SNTG1: variants seen among roughly 807,000 people sequenced by gnomAD.
The protein encoded by SNTG1 is gamma-1-syntrophin.
SNTG1 carries 39 observed loss-of-function variants against 74.7 expected under a neutral mutation model. The observed-to-expected ratio is 0.52, with a 90% confidence interval of 0.40 to 0.68. The LOEUF (loss-of-function observed/expected upper bound fraction) is 0.68, where lower values mean the gene tolerates loss of function less well. SNTG1 is among the 30% of genes least tolerant of loss of function. SNTG1 has a pLI of 0.00. For synonymous variants in SNTG1, 254 were observed against 217.1 expected (o/e 1.17, Z -1.49); for missense variants, 685 against 609.5 (o/e 1.12, Z -1.30).
intron 1 of SNTG1, among the ~76,000 whole-genome samples, chr8:50,098,235 C>A (rs997475886): frequency 6.6e-6 from 1 of 152,104 alleles, no homozygotes; most frequent in Non-Finnish European, 1.5e-5. Context: ...AAGAAAAGAC[C>A]ATATGCCAAC....
At chr8:50,324,563 C>T (rs1345873378) in intron 2 of SNTG1, among the ~76,000 whole-genome samples, 1 of 152,162 alleles carries the variant, frequency 6.6e-6, no homozygotes, top group Non-Finnish European at 1.5e-5. Context: ...ATTCTGCCCT[C>T]TTGCTCTGCC....
intron 17 of SNTG1, among the ~76,000 whole-genome samples, chr8:50,731,446 T>A (rs1585659687): frequency 6.6e-6 from 1 of 152,128 alleles, no homozygotes; most frequent in East Asian, 1.9e-4. Context: ...TTTATACAGA[T>A]CTCATTACTA....
chr8:50,058,608 C>T (rs567493805), intron 1 of SNTG1, among the ~76,000 whole-genome samples: 2 of 152,182 alleles, frequency 1.3e-5, no homozygotes, highest in South Asian at 2.1e-4. Context: ...TGCGATGATC[C>T]TGAGTACACT....
intron 1 of SNTG1, among the ~76,000 whole-genome samples, chr8:50,088,628 C>T (rs1209893589): frequency 8.1e-6 from 1 of 122,904 alleles, no homozygotes; most frequent in African/African-American, 2.5e-5. Flanking sequence ...AACAGAGAGC[C>T]AAATCATGAG....
chr8:50,176,087 A>C (rs1317571575), intron 2 of SNTG1, among the ~76,000 whole-genome samples: 2 of 152,108 alleles, frequency 1.3e-5, no homozygotes, highest in Non-Finnish European at 2.9e-5. Context: ...AAACAAGAGT[A>C]TTATAATAAA....
intron 12 of SNTG1, among the ~76,000 whole-genome samples, chr8:50,568,227 T>TTGTTTGTGTGTGTGTGTG (rs140888701): frequency 0.03 from 4,382 of 146,292 alleles, 101 homozygotes; most frequent in East Asian, 0.086. Context: ...TTGTCCATGT[T>TTGTTTGTGTGTGTGTGTG]TGTGTGTGTG....
At chr8:50,553,242 T>G (rs1248764651) in intron 12 of SNTG1, 63 bp downstream of exon 12, 1 of 1,586,084 alleles carries the variant, frequency 6.3e-7, no homozygotes, top group Non-Finnish European at 8.6e-7. Context: ...TCCTTCAGTA[T>G]ATATGTAACT....
chr8:50,294,662 T>G (rs1386461302), intron 2 of SNTG1, among the ~76,000 whole-genome samples: 1 of 152,190 alleles, frequency 6.6e-6, no homozygotes, highest in Non-Finnish European at 1.5e-5. Flanking sequence ...ATGGCAAATC[T>G]GCTTTCCCCA....
intron 18 of SNTG1, among the ~76,000 whole-genome samples, chr8:50,789,327 G>T (rs925719680): frequency 2.6e-5 from 4 of 151,832 alleles, no homozygotes; most frequent in Non-Finnish European, 4.4e-5. Context: ...TTCTTTGCTG[G>T]TTCTACCCCA....
intron 2 of SNTG1, among the ~76,000 whole-genome samples, chr8:50,333,565 A>G (rs1002034112): frequency 6.6e-6 from 1 of 152,178 alleles, no homozygotes; most frequent in African/African-American, 2.4e-5. Flanking sequence ...ATTTCTTATT[A>G]TGCTGGAAAC....
At position 50,331,812 on chromosome 8, in the gene SNTG1, G is replaced by A. The variant is rs115483311; in HGVS notation, c.-27-62400G>A. 4.1e-3 allele frequency among the ~76,000 whole-genome samples: 622 copies of A among 152,248 alleles called. 7 individuals carry two copies. The highest frequency in any genetic ancestry group is 0.014 in the African/African-American group (563 of 41,556). On this transcript the variant is annotated intron_variant, in intron 2 of 18. Transcript: ENST00000642720. ...AGGGAAGATTTCTCAATTTCTTTAC[G>A]TCAGAACTTATAATGAGAACAACTG...
chr8:50,378,470 C>T (rs941654719), intron 2 of SNTG1, among the ~76,000 whole-genome samples: 1 of 152,110 alleles, frequency 6.6e-6, no homozygotes, highest in African/African-American at 2.4e-5. Context: ...CTGTTTTAGC[C>T]CTGCCAGTTG....
chr8:50,323,384 G>C (rs1288608634), intron 2 of SNTG1, among the ~76,000 whole-genome samples: 1 of 152,030 alleles, frequency 6.6e-6, no homozygotes, highest in Non-Finnish European at 1.5e-5. Flanking sequence ...TTGTTTTCTT[G>C]GATGCTGTGG....
At chr8:50,733,197 T>G (rs1252562095) in intron 17 of SNTG1, among the ~76,000 whole-genome samples, 4 of 152,072 alleles carry the variant, frequency 2.6e-5, no homozygotes, top group African/African-American at 9.6e-5. Flanking sequence ...GTTTTCTGTT[T>G]TGCATTTAAT....
chr8:50,450,540 G>C lies in SNTG1; in HGVS notation c.278-16G>C. 2 of 1,612,868 alleles carry C rather than the reference G, an allele frequency of 1.2e-6. No individual in the cohort carries two copies. The highest frequency in any genetic ancestry group is 8.5e-7 in the Non-Finnish European group (1 of 1,179,552). On this transcript the variant is annotated splice_polypyrimidine_tract_variant and intron_variant, in intron 6 of 18. Transcript: ENST00000642720. ...AAACAGTCAATGCATTATCAATTGT[G>C]CTTTTTCATTCACAGCGGAACTTTC...
At chr8:50,101,118 T>A (rs918727450) in intron 1 of SNTG1, among the ~76,000 whole-genome samples, 2 of 152,174 alleles carry the variant, frequency 1.3e-5, no homozygotes, top group Admixed American at 1.3e-4. Context: ...ATCTCACTCT[T>A]TTTTATGGCT....
intron 1 of SNTG1, among the ~76,000 whole-genome samples, chr8:49,959,063 T>C (rs1481991044): frequency 6.6e-6 from 1 of 152,230 alleles, no homozygotes; most frequent in Non-Finnish European, 1.5e-5. Context: ...CTTTTGAATT[T>C]TTTTGTTTGC....
chr8:50,381,416 T>G (rs772277711), intron 2 of SNTG1, among the ~76,000 whole-genome samples: 1 of 151,028 alleles, frequency 6.6e-6, no homozygotes, highest in Non-Finnish European at 1.5e-5. Context: ...AGAAAAAAAG[T>G]AATATGGGAA....
At chr8:50,207,835 T>A (rs142395410) in intron 2 of SNTG1, among the ~76,000 whole-genome samples, 3,488 of 152,296 alleles carry the variant, frequency 0.023, 126 homozygotes, top group African/African-American at 0.079. Context: ...CCAGTAGTCA[T>A]TCAAGAGCAG....
Sources: allele counts gnomAD v4.1 joint callset (sites outside exome capture counted in the v4.1 genomes callset), GRCh38; gene constraint gnomAD v4.1.1; transcripts MANE v1.5; gene names NCBI Gene and HGNC (gene_info 2026-07-23, HGNC 2026-07-21).